Variants in FNIP1 observed in about 807,000 individuals in gnomAD.
FNIP1 encodes folliculin interacting protein 1.
In FNIP1, 40 loss-of-function variants were observed where a neutral mutation model predicts 124.5. That is an observed-to-expected ratio of 0.32 (90% CI 0.25 to 0.42). The LOEUF is 0.42. Ranked by LOEUF, FNIP1 falls within the 10% of genes least tolerant of loss-of-function variation. The pLI, the probability that FNIP1 is intolerant of heterozygous loss-of-function variation, is 1.00. For synonymous variants in FNIP1, 472 were observed against 470.6 expected, an observed-to-expected ratio of 1.00 and a Z score of -0.04; for missense variants, 1,176 against 1,403.7, an observed-to-expected ratio of 0.84 and a Z score of 2.59.
At chr5:131,727,882 A>T (rs1769939591) in intron 3 of FNIP1, among the ~76,000 whole-genome samples, 1 of 152,200 alleles carries the variant, frequency 6.6e-6, no homozygotes, top group East Asian at 1.9e-4. Context: ...ATGGTGACAA[A>T]GTCTCTCAGC....
chr5:131,781,117 T>C (rs1187541230), intron 1 of FNIP1, among the ~76,000 whole-genome samples: 5 of 152,212 alleles, frequency 3.3e-5, no homozygotes, highest in East Asian at 1.9e-4. Flanking sequence ...CCAGTCACAA[T>C]AGTCCCTTAA....
intron 10 of FNIP1, among the ~76,000 whole-genome samples, chr5:131,701,322 G>A (rs866655285): frequency 8.5e-5 from 13 of 152,246 alleles, no homozygotes; most frequent in South Asian, 2.1e-4. Flanking sequence ...TTATCAAAGC[G>A]TTAAAACATG....
intron 11 of FNIP1, among the ~76,000 whole-genome samples, chr5:131,681,741 C>A (rs1768090309): frequency 1.6e-5 from 2 of 123,704 alleles, no homozygotes; most frequent in East Asian, 2.3e-4. Flanking sequence ...GAACACAGAA[C>A]AATCCAGGAG....
intron 15 of FNIP1, among the ~76,000 whole-genome samples, chr5:131,661,528 A>T (rs533930755): frequency 1.1e-4 from 16 of 152,246 alleles, no homozygotes; most frequent in African/African-American, 3.1e-4. Flanking sequence ...GAGCAAAGTG[A>T]CTAGTGTCTG....
At chr5:131,796,570 G>A (rs1236545583) in intron 1 of FNIP1, 1 of 523,042 alleles carries the variant, frequency 1.9e-6, no homozygotes, top group Non-Finnish European at 3.4e-6. Flanking sequence ...AGAGTCGCGC[G>A]TGGCTGGGGG....
At chr5:131,758,264 C>T (rs903141207) in intron 1 of FNIP1, among the ~76,000 whole-genome samples, 1 of 152,052 alleles carries the variant, frequency 6.6e-6, no homozygotes, top group Non-Finnish European at 1.5e-5. Context: ...AACTGACCTA[C>T]CTAAAGTTGC....
rs1440644156 is a variant in FNIP1, at chr5:131,664,272, CT to C, written c.3108+6190del. 4.6e-5 allele frequency among the ~76,000 whole-genome samples: 7 copies of C among 151,974 alleles called. No homozygotes were observed. The East Asian group carries it at 1.4e-3, about 29-fold the overall frequency. On this transcript the variant is annotated intron_variant, in intron 15 of 17. Transcript: ENST00000510461. Reference sequence around the variant, plus strand: ...TAAAAAAGGTTTATTAAAATTTTACCTTATGGTTAAACTAAGATTGAATCAG... The same window carrying C: ...TAAAAAAGGTTTATTAAAATTTTACCTATGGTTAAACTAAGATTGAATCAG...
chr5:131,644,494 C>A lies in FNIP1; in HGVS notation c.*191G>T. On this transcript the variant is annotated 3_prime_UTR_variant, in exon 18 of 18. Coordinates refer to ENST00000510461, the MANE Select transcript of FNIP1 (RefSeq NM_133372.3). ...CATTTGTTTAAAAATCTACCACCACCCAAAAGTCCAGTCAAAAAGAAAAAG... is the reference window on the plus strand; with the variant it reads ...CATTTGTTTAAAAATCTACCACCACACAAAAGTCCAGTCAAAAAGAAAAAG... 2.3e-6 allele frequency: 1 copy of A among 432,302 alleles called. No individual in the cohort carries two copies. The allele number at this position is 432,302 out of a possible 1,614,324, so 26.8% of individuals were successfully genotyped here.
chr5:131,772,879 T>G (rs759180522), intron 1 of FNIP1, among the ~76,000 whole-genome samples: 3 of 152,174 alleles, frequency 2.0e-5, no homozygotes, highest in African/African-American at 4.8e-5. Flanking sequence ...TGACATCAAC[T>G]GAGATAACTT....
intron 6 of FNIP1, among the ~76,000 whole-genome samples, chr5:131,712,503 A>G (rs1769329180): frequency 6.6e-6 from 1 of 152,222 alleles, no homozygotes. Context: ...ACTTCAACGA[A>G]AATATCACAA....
intron 5 of FNIP1, 28 bp from the exon 6 acceptor site, chr5:131,716,684 C>G (rs757824526): frequency 7.1e-7 from 1 of 1,402,146 alleles, no homozygotes; most frequent in African/African-American, 1.4e-5. Context: ...AAAATTAATT[C>G]CAAATTCATT....
intron 1 of FNIP1, chr5:131,795,546 T>C (rs1772557036): frequency 6.6e-6 from 1 of 152,198 alleles, no homozygotes; most frequent in African/African-American, 2.4e-5. Context: ...TGTAGTATTA[T>C]CTAACCTGCA....
chr5:131,657,296 C>T (rs1299226894), intron 15 of FNIP1, among the ~76,000 whole-genome samples: 2 of 152,176 alleles, frequency 1.3e-5, no homozygotes, highest in East Asian at 3.9e-4. Context: ...GCCACCACGC[C>T]TGGCCCCACC....
In FNIP1 at chr5:131,784,517, T is replaced by C. The variant is rs148541549; in HGVS notation, c.92+12313A>G. 3.2e-3 allele frequency among the ~76,000 whole-genome samples: 481 copies of C among 152,244 alleles called. 3 individuals are homozygous for C. Among genetic ancestry groups the C allele is most frequent in the African/African-American group, 0.011 (459 of 41,554 alleles). ...AATCAATAATAAACAGTATATTTAA[T>C]TTGTTTGAAACTATAAAAGAAGGCT... On this transcript the variant is annotated intron_variant, in intron 1 of 17. Coordinates refer to ENST00000510461, the MANE Select transcript of FNIP1 (RefSeq NM_133372.3).
chr5:131,693,305 T>TATGTATAC (rs1768551665), intron 11 of FNIP1, among the ~76,000 whole-genome samples: 4 of 29,806 alleles, frequency 1.3e-4, no homozygotes, highest in African/African-American at 4.0e-4. Context: ...TACATATATA[T>TATGTATAC]ATATATATAT....
intron 1 of FNIP1, among the ~76,000 whole-genome samples, chr5:131,775,764 G>A (rs1219165652): frequency 6.6e-6 from 1 of 151,938 alleles, no homozygotes; most frequent in East Asian, 1.9e-4. Context: ...CTCACCTCAG[G>A]TGATCCGCCC....
At chr5:131,716,506 A>G (rs999297503) in intron 6 of FNIP1, 59 bp downstream of exon 6, 34 of 1,198,084 alleles carry the variant, frequency 2.8e-5, no homozygotes, top group Non-Finnish European at 3.6e-5. Context: ...ATAACTTCAA[A>G]AAACACTTGT....
chr5:131,759,297 A>G (rs1172880627), intron 1 of FNIP1, among the ~76,000 whole-genome samples: 3 of 152,114 alleles, frequency 2.0e-5, no homozygotes, highest in African/African-American at 7.2e-5. Context: ...AGGAAATTAT[A>G]AACAGAGAAA....
In FNIP1 at chr5:131,743,847, A is replaced by T. The variant is rs146732651; in HGVS notation, c.219+717T>A. Among the ~76,000 whole-genome samples, 153 of 152,334 alleles carry T rather than the reference A, an allele frequency of 1.0e-3. 1 individual carries two copies. Among genetic ancestry groups the T allele is most frequent in the African/African-American group, 3.5e-3 (146 of 41,572 alleles). The stretch of plus-strand genomic sequence containing the variant: ...GTTTCTTGTTTAAGGCACCCAGTCT[A>T]CAGTATTTTGTTATAGTAGCCTGAA... On this transcript the variant is annotated intron_variant, in intron 2 of 17. Coordinates refer to ENST00000510461, the MANE Select transcript of FNIP1 (RefSeq NM_133372.3).
Sources: allele counts gnomAD v4.1 joint callset (sites outside exome capture counted in the v4.1 genomes callset), GRCh38; gene constraint gnomAD v4.1.1; transcripts MANE v1.5; gene names NCBI Gene and HGNC (gene_info 2026-07-23, HGNC 2026-07-21).